The following CAMTA1 variants were observed in gnomAD, a reference collection of about 807,000 sequenced individuals.
The protein encoded by CAMTA1 is calmodulin binding transcription activator 1, also known as calmodulin-binding transcription activator 1.
In CAMTA1, 27 loss-of-function variants were observed where a neutral mutation model predicts 170.9. The ratio of observed to expected loss-of-function variants is 0.16; its 90% CI spans 0.12 to 0.22. The LOEUF (loss-of-function observed/expected upper bound fraction) is 0.22. Ranked by LOEUF, CAMTA1 falls within the 10% of genes least tolerant of loss-of-function variation. The pLI is 1.00. For synonymous variants in CAMTA1, 833 were observed against 891.5 expected (o/e 0.93, Z 1.17); for missense variants, 1,619 against 2,217.2 (o/e 0.73, Z 5.42).
At chr1:7,353,914 T>G (rs972078312) in intron 5 of CAMTA1, among the ~76,000 whole-genome samples, 1 of 152,034 alleles carries the variant, frequency 6.6e-6, no homozygotes, top group African/African-American at 2.4e-5. Context: ...CTGCCCACCC[T>G]CCACCTACAA....
chr1:7,416,548 G>C (rs2091188936), intron 5 of CAMTA1, among the ~76,000 whole-genome samples: 1 of 152,030 alleles, frequency 6.6e-6, no homozygotes, highest in African/African-American at 2.4e-5. Flanking sequence ...CCAGTTGATT[G>C]CATTGGCTCC....
intron 4 of CAMTA1, among the ~76,000 whole-genome samples, chr1:7,182,713 T>G (rs994262331): frequency 5.3e-5 from 8 of 152,108 alleles, no homozygotes; most frequent in Non-Finnish European, 1.2e-4. Context: ...AGGGTTAATA[T>G]CCCTGATATG....
intron 4 of CAMTA1, among the ~76,000 whole-genome samples, chr1:7,101,599 C>T (rs1013450117): frequency 4.6e-5 from 7 of 152,250 alleles, no homozygotes; most frequent in African/African-American, 1.7e-4. Context: ...TGCTGCATAT[C>T]CCACTTTCAC....
chr1:7,051,190 C>T (rs1201113974), intron 3 of CAMTA1, among the ~76,000 whole-genome samples: 3 of 152,184 alleles, frequency 2.0e-5, no homozygotes, highest in East Asian at 3.9e-4. Flanking sequence ...TCTGAACGTT[C>T]TCTCCCAGTG....
chr1:6,789,927 A>G (rs1433766960), intron 1 of CAMTA1, among the ~76,000 whole-genome samples: 1 of 147,482 alleles, frequency 6.8e-6, no homozygotes, highest in African/African-American at 2.5e-5. Context: ...CTCTTGCCTC[A>G]GCCTCCCAAG....
At chr1:7,636,333 C>T (rs923175801) in intron 6 of CAMTA1, among the ~76,000 whole-genome samples, 6 of 152,186 alleles carry the variant, frequency 3.9e-5, no homozygotes, top group African/African-American at 1.4e-4. Flanking sequence ...CCACTGCCTG[C>T]GTCAGGCTCT....
rs1655416621 is a variant in CAMTA1, at chr1:7,195,811, G to C, written c.303-53680G>C. ...AGGCAGGCAGATCACCTGAGGTCAG[G>C]AGTTCAAGACCAGCCTGGCCAACAT... On this transcript the variant is annotated intron_variant, in intron 4 of 22. Coordinates refer to ENST00000303635, the MANE Select transcript of CAMTA1 (RefSeq NM_015215.4). The surrounding 1 kb of genome is among the most constrained non-coding windows in gnomAD (Gnocchi z 4.1). 2.6e-5 allele frequency among the ~76,000 whole-genome samples: 4 copies of C among 152,288 alleles called. No individual in the cohort carries two copies. The highest frequency in any genetic ancestry group is 2.6e-4 in the Admixed American group (4 of 15,298).
chr1:7,739,944 C>G (rs1019261365), intron 16 of CAMTA1, among the ~76,000 whole-genome samples: 1 of 151,222 alleles, frequency 6.6e-6, no homozygotes, highest in Non-Finnish European at 1.5e-5. Context: ...ACCTACCGAC[C>G]ACTGCAGTTT....
In CAMTA1 at chr1:7,162,958, G is replaced by T. The variant is rs543599237; in HGVS notation, c.302+71587G>T. On this transcript the variant is annotated intron_variant, in intron 4 of 22. Coordinates refer to ENST00000303635, the MANE Select transcript of CAMTA1 (RefSeq NM_015215.4). ...AGTTTTGAACGTTTTGGCAGTTCCA[G>T]ATCTCTCCTGCCATGGAAAATAGAT... 8.5e-5 allele frequency among the ~76,000 whole-genome samples: 13 copies of T among 152,222 alleles called. No individual in the cohort carries two copies. In the South Asian group the frequency reaches 2.7e-3, roughly 32 times the overall value.
At chr1:7,051,870 C>A (rs1706429845) in intron 3 of CAMTA1, among the ~76,000 whole-genome samples, 1 of 152,160 alleles carries the variant, frequency 6.6e-6, no homozygotes, top group Non-Finnish European at 1.5e-5. Context: ...TGTACGCCCC[C>A]TCTCCTGACC....
At position 7,605,455 on chromosome 1, in the gene CAMTA1, G is replaced by A. The variant is rs550362603; in HGVS notation, c.511-34945G>A. ...AGACTGCTGTGCTAGCAATGAGCGA[G>A]GCTCTGTGGGCGTAGGACCCTCTGA... On this transcript the variant is annotated intron_variant, in intron 6 of 22. Transcript: ENST00000303635. Among the ~76,000 whole-genome samples, 16 of 152,358 alleles carry A rather than the reference G, an allele frequency of 1.1e-4. No homozygotes were observed. In the East Asian group the frequency reaches 3.1e-3, roughly 29 times the overall value.
chr1:7,173,393 AT>A lies in CAMTA1; in HGVS notation c.303-76087del, dbSNP rs541482247. 1.1e-4 allele frequency among the ~76,000 whole-genome samples: 17 copies of A among 148,788 alleles called. No homozygotes were observed. Among genetic ancestry groups the A allele is most frequent in the Admixed American group, 2.7e-4 (4 of 14,928 alleles). ...TGGAACTGTGGGAACACACAGTTTA[AT>A]TTTTTTTTTTAAGACTGATTTTCAC... On this transcript the variant is annotated intron_variant, in intron 4 of 22. Coordinates refer to ENST00000303635, the MANE Select transcript of CAMTA1 (RefSeq NM_015215.4). This position sits in a 1 kb window ranked among gnomAD's most constrained non-coding sequence, Gnocchi z 5.4.
intron 5 of CAMTA1, among the ~76,000 whole-genome samples, chr1:7,405,976 G>A (rs553327217): frequency 6.6e-5 from 10 of 152,212 alleles, no homozygotes; most frequent in East Asian, 1.9e-4. Context: ...GAGCCCTACC[G>A]TCTGCACCCC....
At chr1:7,459,192 A>G (rs1040827455) in intron 5 of CAMTA1, among the ~76,000 whole-genome samples, 1 of 152,106 alleles carries the variant, frequency 6.6e-6, no homozygotes, top group South Asian at 2.1e-4. Flanking sequence ...GCTTGTTTGA[A>G]TCCTTCTGCC....
At chr1:7,296,450 C>T (rs764138935) in intron 5 of CAMTA1, among the ~76,000 whole-genome samples, 12 of 152,122 alleles carry the variant, frequency 7.9e-5, no homozygotes, top group Non-Finnish European at 1.3e-4. Context: ...AAGATGATGA[C>T]TCAGGAACTT....
intron 3 of CAMTA1, among the ~76,000 whole-genome samples, chr1:6,882,332 C>T (rs1044633678): frequency 6.6e-6 from 1 of 152,136 alleles, no homozygotes; most frequent in African/African-American, 2.4e-5. Context: ...TGGCCCTTTA[C>T]AGAAAAGAGT....
rs142977023 is a variant in CAMTA1 at position 6,996,626 on chromosome 1, T to G, written c.235-94678T>G. On this transcript the variant is annotated intron_variant, in intron 3 of 22. Transcript: ENST00000303635. ...AAAAGTAAGACTTCAGTTTTCTATC[T>G]GAGTATTAGCTGCTCTGTGACACTG... 2.4e-3 allele frequency among the ~76,000 whole-genome samples: 366 copies of G among 152,000 alleles called. 1 individual carries two copies. Among genetic ancestry groups the G allele is most frequent in the African/African-American group, 7.4e-3 (307 of 41,434 alleles).
intron 7 of CAMTA1, among the ~76,000 whole-genome samples, chr1:7,650,448 A>G (rs1015571943): frequency 2.0e-5 from 3 of 152,088 alleles, no homozygotes; most frequent in Admixed American, 1.3e-4. Context: ...CCCCTCATTG[A>G]CAATGTCTGT....
chr1:6,948,674 T>C (rs1336530773), intron 3 of CAMTA1, among the ~76,000 whole-genome samples: 1 of 152,126 alleles, frequency 6.6e-6, no homozygotes, highest in East Asian at 1.9e-4. Context: ...CTGTATGGCG[T>C]ATGGCTTAAT....
Sources: gnomAD v4.1 joint callset for allele counts (sites outside exome capture counted in the v4.1 genomes callset) on GRCh38, gnomAD v4.1.1 for gene constraint, Gnocchi (gnomAD v3.1) non-coding constraint, MANE v1.5 for transcripts, NCBI Gene and HGNC (gene_info 2026-07-23, HGNC 2026-07-21) for gene names.